Variants in SMYD3 observed in about 807,000 individuals in gnomAD.
SMYD3 encodes histone-lysine N-methyltransferase SMYD3.
A neutral mutation model predicts 57.7 loss-of-function variants in SMYD3; 36 were observed. That is an observed-to-expected ratio of 0.62 (90% CI 0.48 to 0.82). The LOEUF is 0.82. Among genes scored for constraint, SMYD3 ranks in the 40% least tolerant of loss-of-function variants. SMYD3 has a pLI of 0.00. For missense variants in SMYD3, 515 were observed against 538.8 expected (o/e 0.96, Z 0.44); for synonymous variants, 211 against 195.0 (o/e 1.08, Z -0.68).
intron 5 of SMYD3, among the ~76,000 whole-genome samples, chr1:246,026,385 ACACC>A (rs2059574682): frequency 1.3e-5 from 2 of 152,266 alleles, no homozygotes; most frequent in South Asian, 4.1e-4. Flanking sequence ...AATTATAAGT[ACACC>A]TCATTGCGTG....
intron 5 of SMYD3, among the ~76,000 whole-genome samples, chr1:245,952,916 TA>T (rs1198368541): frequency 2.0e-5 from 3 of 152,160 alleles, no homozygotes; most frequent in African/African-American, 7.2e-5. Flanking sequence ...GTGCAGGGGA[TA>T]GTCTGTATCT....
At chr1:246,297,033 T>C (rs753079322) in intron 5 of SMYD3, among the ~76,000 whole-genome samples, 1 of 152,272 alleles carries the variant, frequency 6.6e-6, no homozygotes, top group African/African-American at 2.4e-5. Flanking sequence ...TTAAATAGTT[T>C]GGGCAATGAT....
At chr1:246,218,125 A>C (rs974808747) in intron 5 of SMYD3, among the ~76,000 whole-genome samples, 12 of 152,198 alleles carry the variant, frequency 7.9e-5, no homozygotes, top group Admixed American at 7.2e-4. Context: ...AGGTCAAAAA[A>C]AGAAAGTAGA....
At position 246,335,150 on chromosome 1, in the gene SMYD3, T is replaced by C. The variant is rs568911900; in HGVS notation, c.336+217A>G. Among the ~76,000 whole-genome samples the C allele has an allele frequency of 1.6e-4, 25 of 152,310 alleles. No individual in the cohort carries two copies. In the South Asian group the frequency reaches 5.2e-3, roughly 32 times the overall value. On this transcript the variant is annotated intron_variant, in intron 3 of 11. Transcript: ENST00000490107. ...TATGTACATTGTTCTGTTGGCATAA[T>C]GCTACTGAACACTTAATAGACTACG...
chr1:246,199,125 T>C (rs1441062175), intron 5 of SMYD3, among the ~76,000 whole-genome samples: 1 of 150,956 alleles, frequency 6.6e-6, no homozygotes, highest in Admixed American at 6.6e-5. Context: ...CCCCATCCCC[T>C]CTTCCCCCTC....
chr1:246,179,979 A>G (rs868567522), intron 5 of SMYD3, among the ~76,000 whole-genome samples: 7 of 152,004 alleles, frequency 4.6e-5, no homozygotes, highest in South Asian at 2.1e-4. Flanking sequence ...GTAGCAGCCA[A>G]AAGAGGAAAA....
chr1:246,213,676 A>G (rs1294014929), intron 5 of SMYD3, among the ~76,000 whole-genome samples: 1 of 151,916 alleles, frequency 6.6e-6, no homozygotes, highest in Non-Finnish European at 1.5e-5. Flanking sequence ...AACCAGTCCC[A>G]CTCTGATGCT....
intron 5 of SMYD3, among the ~76,000 whole-genome samples, chr1:245,950,413 TGA>T (rs2057586474): frequency 6.6e-6 from 1 of 152,150 alleles, no homozygotes; most frequent in South Asian, 2.1e-4. Flanking sequence ...CAAACAGGAC[TGA>T]GTATTTTTTT....
intron 1 of SMYD3, among the ~76,000 whole-genome samples, chr1:246,461,818 C>T (rs12139200): frequency 0.56 from 84,587 of 151,514 alleles, 24,839 homozygotes; most frequent in African/African-American, 0.74. Context: ...CCACTATTAG[C>T]TGGTTTTCAC....
rs188098361 is a variant in SMYD3 at position 246,197,920 on chromosome 1, T to C, written c.531+129281A>G. On this transcript the variant is annotated intron_variant, in intron 5 of 11. Coordinates refer to ENST00000490107, the MANE Select transcript of SMYD3 (RefSeq NM_001167740.2). Reference sequence around the variant, plus strand: ...CAGTCTTTCCAATACTAAATCATACTGCATACAATTAAAAATATTTATTTG... The same window carrying C: ...CAGTCTTTCCAATACTAAATCATACCGCATACAATTAAAAATATTTATTTG... Among the ~76,000 whole-genome samples, 280 of 152,372 alleles carry C rather than the reference T, an allele frequency of 1.8e-3. 1 individual carries two copies. The highest frequency in any genetic ancestry group is 6.4e-3 in the African/African-American group (268 of 41,586).
At chr1:245,790,335 A>C (rs2047217823) in intron 10 of SMYD3, among the ~76,000 whole-genome samples, 1 of 152,242 alleles carries the variant, frequency 6.6e-6, no homozygotes, top group African/African-American at 2.4e-5. Context: ...GGAATGAATG[A>C]ATGAATGACC....
chr1:245,858,681 C>T lies in SMYD3; in HGVS notation c.902-11G>A. Reference sequence around the variant, plus strand: ...GAACCTGCTCCCACTCTGTTATTAACCTTAGTTAAGGATTCATTGTCTTCA... The same window carrying T: ...GAACCTGCTCCCACTCTGTTATTAATCTTAGTTAAGGATTCATTGTCTTCA... On this transcript the variant is annotated splice_polypyrimidine_tract_variant and intron_variant, in intron 9 of 11. Transcript: ENST00000490107. 1 of 1,610,186 alleles carries T rather than the reference C, an allele frequency of 6.2e-7. No individual in the cohort carries two copies. Among genetic ancestry groups the T allele is most frequent in the Non-Finnish European group, 8.5e-7 (1 of 1,178,476 alleles).
At chr1:245,814,902 ACT>A (rs2048716432) in intron 10 of SMYD3, among the ~76,000 whole-genome samples, 1 of 151,596 alleles carries the variant, frequency 6.6e-6, no homozygotes, top group East Asian at 1.9e-4. Flanking sequence ...ACACACACAC[ACT>A]CTATCTTCAC....
chr1:246,506,984 C>CCCACCCCCCCCCCCCCCCCCCCCCCCCCA, intron 1 of SMYD3, 70 bp downstream of exon 1: 1 of 827,014 alleles, frequency 1.2e-6, no homozygotes, highest in Non-Finnish European at 1.7e-6. Flanking sequence ...TGCCGGCCGC[C>CCCACCCCCCCCCCCCCCCCCCCCCCCCCA]CGACGCCCCC....
intron 5 of SMYD3, among the ~76,000 whole-genome samples, chr1:246,288,451 T>C (rs1482560711): frequency 6.6e-6 from 1 of 152,122 alleles, no homozygotes; most frequent in African/African-American, 2.4e-5. Context: ...GCGTATGTTA[T>C]GCAGTGGATC....
chr1:246,148,576 G>A (rs375453988), intron 5 of SMYD3, among the ~76,000 whole-genome samples: 74 of 152,250 alleles, frequency 4.9e-4, no homozygotes, highest in East Asian at 2.7e-3. Flanking sequence ...CCAGAAAAGC[G>A]ACACCCCGAA....
At chr1:246,108,004 A>G (rs1040508500) in intron 5 of SMYD3, among the ~76,000 whole-genome samples, 1 of 152,230 alleles carries the variant, frequency 6.6e-6, no homozygotes, top group African/African-American at 2.4e-5. Context: ...AAAGAGCAAA[A>G]TCTAAGATAG....
intron 10 of SMYD3, among the ~76,000 whole-genome samples, chr1:245,771,839 A>AC (rs1276943714): frequency 6.6e-6 from 1 of 152,192 alleles, no homozygotes. Flanking sequence ...GGGAGGGAAA[A>AC]AAAAGGTCCT....
At chr1:246,235,053 G>T (rs2063491855) in intron 5 of SMYD3, among the ~76,000 whole-genome samples, 1 of 152,132 alleles carries the variant, frequency 6.6e-6, no homozygotes, top group African/African-American at 2.4e-5. Context: ...CTTTGCATTA[G>T]GTTCCTATGC....
Sources: allele counts gnomAD v4.1 joint callset (sites outside exome capture counted in the v4.1 genomes callset), GRCh38; gene constraint gnomAD v4.1.1; transcripts MANE v1.5; gene names NCBI Gene and HGNC (gene_info 2026-07-23, HGNC 2026-07-21).